The following TTLL6 variants were observed in gnomAD, a reference collection of about 807,000 sequenced individuals.
The protein encoded by TTLL6 is tubulin polyglutamylase TTLL6.
In TTLL6, 75 loss-of-function variants were observed where a neutral mutation model predicts 96.4. The ratio of observed to expected loss-of-function variants is 0.78; its 90% CI spans 0.65 to 0.94. The LOEUF (loss-of-function observed/expected upper bound fraction) is 0.94. Ranked by LOEUF, TTLL6 falls within the 40% of genes least tolerant of loss-of-function variation. The pLI, the probability that TTLL6 is intolerant of heterozygous loss-of-function variation, is 0.00. For synonymous variants in TTLL6, 411 were observed against 419.4 expected, an observed-to-expected ratio of 0.98 and a Z score of 0.24; for missense variants, 1,030 against 1,093.0, an observed-to-expected ratio of 0.94 and a Z score of 0.81.
chr17:48,769,928 T>C lies in TTLL6; in HGVS notation c.2210A>G (p.Gln737Arg), dbSNP rs1426082651. 1.2e-6 allele frequency: 2 copies of C among 1,614,192 alleles called. No individual in the cohort carries two copies. Among genetic ancestry groups the C allele is most frequent in the Non-Finnish European group, 1.7e-6 (2 of 1,180,034 alleles). The change falls in exon 14 of 16, where the codon CAG (glutamine) becomes CGG (arginine). Residue 737 changes from glutamine to arginine, a missense_variant. By Grantham distance (43) the Gln-to-Arg change is conservative (BLOSUM62 1). Transcript: ENST00000393382. Reference protein sequence around the residue: ...KKQQTPPHLTQKKMLKSFLPT... With the variant: ...KKQQTPPHLTRKKMLKSFLPT... ...CAGAAAAGATTTTAACATTTTCTTC[T>C]GGGTTAAGTGTGGAGGGGTCTGCTG...
rs2039484964 is a variant in TTLL6, at chr17:48,804,974, T to TG, written c.120dup (p.Arg41GlnfsTer79). The stretch of plus-strand genomic sequence containing the variant: ...ATCTCCCTGGCCTGGGAGGAGGCTC[T>TG]GGGGAAATACCAGGCCCCTAGAGAG... On this transcript the variant is annotated frameshift_variant, in exon 2 of 16. Coordinates refer to ENST00000393382, the MANE Select transcript of TTLL6 (RefSeq NM_001130918.3). LOFTEE classifies it high-confidence loss of function. 5.8e-6 allele frequency: 9 copies of TG among 1,551,538 alleles called. No individual in the cohort carries two copies. The highest frequency in any genetic ancestry group is 5.5e-5 in the African/African-American group (4 of 73,060).
At position 48,762,809 on chromosome 17, in the gene TTLL6, G is replaced by A. The variant is rs1292282635; in HGVS notation, c.*165C>T. The stretch of plus-strand genomic sequence containing the variant: ...GGGAGGGAACAGAGGCAGGGCTGTT[G>A]GCCCCATTGCTGCTACTAGGAACTA... On this transcript the variant is annotated 3_prime_UTR_variant, in exon 16 of 16. Transcript: ENST00000393382. 2.3e-6 allele frequency: 1 copy of A among 427,272 alleles called. No individual in the cohort carries two copies. The highest frequency in any genetic ancestry group is 4.7e-6 in the Non-Finnish European group (1 of 214,266). The allele number at this position is 427,272 out of a possible 1,614,324, so 26.5% of individuals were successfully genotyped here.
intron 5 of TTLL6, among the ~76,000 whole-genome samples, chr17:48,800,441 C>T (rs2039389385): frequency 6.6e-6 from 1 of 152,216 alleles, no homozygotes; most frequent in African/African-American, 2.4e-5. Context: ...CAGGAAGTCA[C>T]TTAACTGCAA....
chr17:48,787,780 T>C (rs2143339799), intron 11 of TTLL6, 31 bp downstream of exon 11: 2 of 1,598,016 alleles, frequency 1.3e-6, no homozygotes. Flanking sequence ...CCAGAACCCC[T>C]CCACCGACCT....
At chr17:48,802,078 AAAAG>A (rs139321404) in intron 3 of TTLL6, among the ~76,000 whole-genome samples, 12,011 of 120,978 alleles carry the variant, frequency 0.099, 636 homozygotes, top group East Asian at 0.2. Flanking sequence ...GAAAGAAAGA[AAAAG>A]AAAGAAAGAA....
At chr17:48,798,154 G>T (rs937215742) in intron 6 of TTLL6, among the ~76,000 whole-genome samples, 2 of 152,060 alleles carry the variant, frequency 1.3e-5, no homozygotes, top group Non-Finnish European at 2.9e-5. Flanking sequence ...AGGTGCAGTG[G>T]CTCACACTGG....
chr17:48,800,459 C>T (rs1298474453), intron 5 of TTLL6, among the ~76,000 whole-genome samples: 2 of 152,224 alleles, frequency 1.3e-5, no homozygotes, highest in Non-Finnish European at 2.9e-5. Context: ...CAATGTTCCT[C>T]AGTAACCATG....
At chr17:48,798,472 C>T (rs368114279) in intron 6 of TTLL6, among the ~76,000 whole-genome samples, 17 of 152,008 alleles carry the variant, frequency 1.1e-4, no homozygotes, top group East Asian at 9.7e-4. Flanking sequence ...GAGGCTAAGG[C>T]AGGAGAATCA....
intron 15 of TTLL6, among the ~76,000 whole-genome samples, chr17:48,764,304 C>T (rs376482260): frequency 9.9e-5 from 15 of 152,272 alleles, no homozygotes; most frequent in African/African-American, 2.4e-4. Flanking sequence ...TGTGTCAGGG[C>T]GCCATTCCTC....
chr17:48,808,415 T>G (rs1307042268), intron 1 of TTLL6, among the ~76,000 whole-genome samples: 4 of 151,660 alleles, frequency 2.6e-5, no homozygotes, highest in Non-Finnish European at 5.9e-5. Context: ...CATAGATATA[T>G]GTTGCTTCCC....
chr17:48,769,793 A>T lies in TTLL6; in HGVS notation c.2345T>A (p.Leu782Gln), dbSNP rs139491408. The T allele has an allele frequency of 2.2e-4, 362 of 1,614,240 alleles. No individual in the cohort carries two copies. The highest frequency in any genetic ancestry group is 2.9e-4 in the Non-Finnish European group (340 of 1,180,034). The change falls in exon 14 of 16, where the codon CTG becomes CAG. Residue 782 changes from leucine to glutamine, a missense_variant. By Grantham distance (113) the Leu-to-Gln change is moderately radical (BLOSUM62 -2). Coordinates refer to ENST00000393382, the MANE Select transcript of TTLL6 (RefSeq NM_001130918.3). ...LISELLTKLQ[L>Q]SGKLSFFPAH... ...TGGGAAGAAGGAGAGCTTCCCACTC[A>T]GTTGAAGCTTGGTGAGTAGCTCGGA... is the stretch of plus-strand genomic sequence containing the variant.
intron 1 of TTLL6, among the ~76,000 whole-genome samples, chr17:48,814,600 G>A (rs674310): frequency 6.6e-6 from 1 of 151,838 alleles, no homozygotes; most frequent in African/African-American, 2.4e-5. Flanking sequence ...TCCTACATTG[G>A]CCACCAGGGG....
intron 13 of TTLL6, among the ~76,000 whole-genome samples, chr17:48,776,025 CGTT>C (rs1427471449): frequency 6.6e-6 from 1 of 152,068 alleles, no homozygotes; most frequent in Non-Finnish European, 1.5e-5. Flanking sequence ...CCCTATTCAA[CGTT>C]GTACCAGAAG....
intron 13 of TTLL6, 62 bp downstream of exon 13, chr17:48,784,861 A>T: frequency 7.0e-7 from 1 of 1,433,610 alleles, no homozygotes; most frequent in East Asian, 2.3e-5. Flanking sequence ...AGTTGGGGGT[A>T]GAGAAAGGAC....
intron 7 of TTLL6, among the ~76,000 whole-genome samples, chr17:48,796,591 C>T (rs1204250638): frequency 2.6e-5 from 4 of 151,130 alleles, no homozygotes; most frequent in African/African-American, 9.7e-5. Context: ...TGCACTCCAG[C>T]CTAGGCGACA....
At chr17:48,802,097 AG>A (rs1443733370) in intron 3 of TTLL6, among the ~76,000 whole-genome samples, 1 of 61,898 alleles carries the variant, frequency 1.6e-5, no homozygotes, top group Non-Finnish European at 4.7e-5. Flanking sequence ...AAAGAAAGAA[AG>A]AAAGAAAGAA....
At chr17:48,770,507 G>GTTATTATTATTATTA (rs1211404974) in intron 13 of TTLL6, among the ~76,000 whole-genome samples, 3 of 109,896 alleles carry the variant, frequency 2.7e-5, no homozygotes, top group African/African-American at 6.6e-5. Context: ...TATTATTGTT[G>GTTATTATTATTATTA]TTGTTATTAT....
At chr17:48,765,861 C>T (rs1427554903) in intron 15 of TTLL6, 2 of 152,278 alleles carry the variant, frequency 1.3e-5, no homozygotes, top group African/African-American at 4.8e-5. Flanking sequence ...ATGACTAATA[C>T]TAACACATGG....
intron 8 of TTLL6, among the ~76,000 whole-genome samples, chr17:48,792,925 T>G (rs897105556): frequency 6.6e-6 from 1 of 152,248 alleles, no homozygotes; most frequent in Admixed American, 6.5e-5. Context: ...TAACCTTTTC[T>G]TGATGACTCA....
Sources: gnomAD v4.1 joint callset for allele counts (sites outside exome capture counted in the v4.1 genomes callset) on GRCh38, gnomAD v4.1.1 for gene constraint, MANE v1.5 for transcripts, NCBI Gene and HGNC (gene_info 2026-07-23, HGNC 2026-07-21) for gene names.